Variants in IL2RA observed in about 807,000 individuals in gnomAD.
IL2RA encodes interleukin-2 receptor subunit alpha.
IL2RA carries 24 observed loss-of-function variants against 37.8 expected under a neutral mutation model. The observed-to-expected ratio is 0.63, with a 90% CI of 0.46 to 0.89. The LOEUF (loss-of-function observed/expected upper bound fraction) is 0.89. Among genes scored for constraint, IL2RA ranks in the 40% least tolerant of loss-of-function variants. The probability of loss-of-function intolerance (pLI) is 0.00; values close to 1 mark genes in which losing one functional copy is unlikely to be tolerated. For synonymous variants in IL2RA, 125 were observed against 114.6 expected, an observed-to-expected ratio of 1.09 and a Z score of -0.58; for missense variants, 319 against 348.6, an observed-to-expected ratio of 0.92 and a Z score of 0.68.
intron 1 of IL2RA, among the ~76,000 whole-genome samples, chr10:6,031,493 T>C (rs1414715755): frequency 3.1e-5 from 1 of 32,618 alleles, no homozygotes; most frequent in South Asian, 1.1e-3. Context: ...TATATATATA[T>C]GTATATATAT....
rs1450636484 is a variant in IL2RA at position 6,014,025 on chromosome 10, G to T, written c.795-1129C>A. On this transcript the variant is annotated intron_variant, in intron 7 of 7. Coordinates refer to ENST00000379959, the MANE Select transcript of IL2RA (RefSeq NM_000417.3). The surrounding 1 kb of genome is among the most constrained non-coding windows in gnomAD (Gnocchi z 4.4). The stretch of plus-strand genomic sequence containing the variant: ...TTTAAAATGTTTTTGTAGAGACAAG[G>T]TCTCACTTTGTTGCCCAGGCTGGTC... Among the ~76,000 whole-genome samples, 1 of 151,940 alleles carries T rather than the reference G, an allele frequency of 6.6e-6. No individual in the cohort carries two copies. Among genetic ancestry groups the T allele is most frequent in the African/African-American group, 2.4e-5 (1 of 41,360 alleles).
rs368269963 is a variant in IL2RA, at chr10:6,025,827, C to T, written c.256+7G>A. 3.1e-6 allele frequency: 5 copies of T among 1,613,752 alleles called. No individual in the cohort carries two copies. Among genetic ancestry groups the T allele is most frequent in the Non-Finnish European group, 4.2e-6 (5 of 1,179,744 alleles). On this transcript the variant is annotated splice_region_variant and intron_variant, in intron 2 of 7. Coordinates refer to ENST00000379959, the MANE Select transcript of IL2RA (RefSeq NM_000417.3). The surrounding 1 kb of genome is among the most constrained non-coding windows in gnomAD (Gnocchi z 4.4). ...TTGTTCTTGGTAGTCACAGAAGGGACACTTACCAGAGCTTGTGCATTGACA... is the reference window on the plus strand; with the variant it reads ...TTGTTCTTGGTAGTCACAGAAGGGATACTTACCAGAGCTTGTGCATTGACA...
In IL2RA at chr10:6,062,071, C is replaced by T. The variant is rs1358460081; in HGVS notation, c.64+17G>A. 1.2e-6 allele frequency: 2 copies of T among 1,610,296 alleles called. No individual in the cohort carries two copies. Among genetic ancestry groups the T allele is most frequent in the East Asian group, 2.2e-5 (1 of 44,854 alleles). ...ATCAGCCTTCCCGGAATTCCGGGGGCACCCACAGGCCCTTACCTGCCTGGC... is the reference window on the plus strand; with the variant it reads ...ATCAGCCTTCCCGGAATTCCGGGGGTACCCACAGGCCCTTACCTGCCTGGC... On this transcript the variant is annotated intron_variant, in intron 1 of 7. Coordinates refer to ENST00000379959, the MANE Select transcript of IL2RA (RefSeq NM_000417.3).
chr10:6,032,463 C>T lies in IL2RA; in HGVS notation c.65-6438G>A, dbSNP rs12722673. The stretch of plus-strand genomic sequence containing the variant: ...ATCCCAGCACTTTGGGAGGCCGGGG[C>T]GGGCAGATCACAAGGTCAGGAGATG... On this transcript the variant is annotated intron_variant, in intron 1 of 7. Transcript: ENST00000379959. Among the ~76,000 whole-genome samples, 1,060 of 151,994 alleles carry T rather than the reference C, an allele frequency of 7.0e-3. 20 individuals carry two copies. The highest frequency in any genetic ancestry group is 0.025 in the African/African-American group (1,018 of 41,460).
intron 1 of IL2RA, among the ~76,000 whole-genome samples, chr10:6,038,610 A>T (rs1402534620): frequency 6.6e-6 from 1 of 152,260 alleles, no homozygotes; most frequent in African/African-American, 2.4e-5. Flanking sequence ...CCCTCATGTC[A>T]GCCTTCTAAA....
intron 1 of IL2RA, among the ~76,000 whole-genome samples, chr10:6,027,573 C>A (rs1005673003): frequency 6.6e-6 from 1 of 152,174 alleles, no homozygotes; most frequent in Non-Finnish European, 1.5e-5. Context: ...TATTATTTTA[C>A]TTCTCTAAGG....
rs996332888 is a variant in IL2RA at position 6,025,251 on chromosome 10, A to G, written c.256+583T>C. On this transcript the variant is annotated intron_variant, in intron 2 of 7. Coordinates refer to ENST00000379959, the MANE Select transcript of IL2RA (RefSeq NM_000417.3). This position sits in a 1 kb window ranked among gnomAD's most constrained non-coding sequence, Gnocchi z 4.4. ...CACCTGTAGTCCCAGCTACTTGGGC[A>G]GCTGTGGCACAAGATTCACTTGAAC... is the stretch of plus-strand genomic sequence containing the variant. 2.0e-5 allele frequency among the ~76,000 whole-genome samples: 3 copies of G among 151,598 alleles called. No homozygotes were observed. Among genetic ancestry groups the G allele is most frequent in the Non-Finnish European group, 2.9e-5 (2 of 67,896 alleles).
In IL2RA at chr10:6,036,683, A is replaced by T. The variant is rs975106858; in HGVS notation, c.65-10658T>A. On this transcript the variant is annotated intron_variant, in intron 1 of 7. Transcript: ENST00000379959. The surrounding 1 kb of genome is among the most constrained non-coding windows in gnomAD (Gnocchi z 6.1). Reference sequence around the variant, plus strand: ...CTGTCCCTTTAATTTTTACCACTTCATTATTAGAATTGGAGTAGAATGAAA... The same window carrying T: ...CTGTCCCTTTAATTTTTACCACTTCTTTATTAGAATTGGAGTAGAATGAAA... 6.6e-6 allele frequency among the ~76,000 whole-genome samples: 1 copy of T among 152,106 alleles called. No homozygotes were observed. The highest frequency in any genetic ancestry group is 2.4e-5 in the African/African-American group (1 of 41,410).
chr10:6,044,295 G>A lies in IL2RA; in HGVS notation c.64+17793C>T, dbSNP rs1839816523. The stretch of plus-strand genomic sequence containing the variant: ...TAAAAGAAAACAGCTTTATTGAAGT[G>A]GCAATGTTATAGTTCCGGCTGTGCT... On this transcript the variant is annotated intron_variant, in intron 1 of 7. Coordinates refer to ENST00000379959, the MANE Select transcript of IL2RA (RefSeq NM_000417.3). This position sits in a 1 kb window ranked among gnomAD's most constrained non-coding sequence, Gnocchi z 4.5. 6.6e-6 allele frequency among the ~76,000 whole-genome samples: 1 copy of A among 152,242 alleles called. No homozygotes were observed. The highest frequency in any genetic ancestry group is 6.5e-5 in the Admixed American group (1 of 15,288).
intron 1 of IL2RA, among the ~76,000 whole-genome samples, chr10:6,060,544 C>T (rs192758849): frequency 2.0e-5 from 3 of 152,296 alleles, no homozygotes; most frequent in South Asian, 2.1e-4. Context: ...ACCACAAGGT[C>T]AGGAGTTTGA....
Position 6,012,793 on chromosome 10 carries a change from C to T in IL2RA, c.*79G>A. 6.8e-7 allele frequency: 1 copy of T among 1,468,728 alleles called. No individual in the cohort carries two copies. The highest frequency in any genetic ancestry group is 1.4e-5 in the African/African-American group (1 of 72,086). The allele number at this position is 1,468,728 out of a possible 1,614,324, so 91.0% of individuals were successfully genotyped here. On this transcript the variant is annotated 3_prime_UTR_variant, in exon 8 of 8. Coordinates refer to ENST00000379959, the MANE Select transcript of IL2RA (RefSeq NM_000417.3). The surrounding 1 kb of genome is among the most constrained non-coding windows in gnomAD (Gnocchi z 4.8). ...TGTCTCCTGGGCGACCATTTAGCACCTTTGATTTCACTTGGGCTTCATGAC... is the reference window on the plus strand; with the variant it reads ...TGTCTCCTGGGCGACCATTTAGCACTTTTGATTTCACTTGGGCTTCATGAC...
chr10:6,055,524 G>A lies in IL2RA; in HGVS notation c.64+6564C>T, dbSNP rs1327108575. On this transcript the variant is annotated intron_variant, in intron 1 of 7. Transcript: ENST00000379959. ...TCAGAGAGCACAGGGTTGGGGGTAA[G>A]GTCACAGATCAACAGGATCCCAAGG... 7.7e-4 allele frequency among the ~76,000 whole-genome samples: 7 copies of A among 9,036 alleles called. 3 individuals are homozygous for A. Among genetic ancestry groups the A allele is most frequent in the African/African-American group, 1.2e-3 (7 of 5,776 alleles). 5.9% of individuals were successfully genotyped at this position (9,036 alleles called of 152,430 possible).
rs1449874669 is a variant in IL2RA, at chr10:6,022,986, T to C, written c.367+1258A>G. On this transcript the variant is annotated intron_variant, in intron 3 of 7. Coordinates refer to ENST00000379959, the MANE Select transcript of IL2RA (RefSeq NM_000417.3). This position sits in a 1 kb window ranked among gnomAD's most constrained non-coding sequence, Gnocchi z 4.7. ...CAACTGTGCCCCTAGATTAGTCTGT[T>C]TTAAAAAATAAAATAATGGAAGCTG... Among the ~76,000 whole-genome samples, 1 of 152,238 alleles carries C rather than the reference T, an allele frequency of 6.6e-6. No individual in the cohort carries two copies. The highest frequency in any genetic ancestry group is 6.5e-5 in the Admixed American group (1 of 15,288).
rs564891201 is a variant in IL2RA at position 6,025,613 on chromosome 10, G to A, written c.256+221C>T. ...GGAAGTTGCAGTGAGCCGAGATCGC[G>A]TGCCATTGCACTCCAGCCTAGGCAA... On this transcript the variant is annotated intron_variant, in intron 2 of 7. Transcript: ENST00000379959. The surrounding 1 kb of genome is among the most constrained non-coding windows in gnomAD (Gnocchi z 4.4). 4.6e-5 allele frequency among the ~76,000 whole-genome samples: 7 copies of A among 151,786 alleles called. No individual in the cohort carries two copies. The highest frequency in any genetic ancestry group is 1.0e-4 in the Non-Finnish European group (7 of 67,986).
intron 1 of IL2RA, among the ~76,000 whole-genome samples, chr10:6,051,843 A>ATATATATATATATC (rs1839968057): frequency 7.8e-6 from 1 of 128,064 alleles, no homozygotes; most frequent in Non-Finnish European, 1.7e-5. Context: ...ATATATATAT[A>ATATATATATATATC]GAATTTTTTA....
At position 6,024,225 on chromosome 10, in the gene IL2RA, G is replaced by A. The variant is rs1194120210; in HGVS notation, c.367+19C>T. ...GGTGCGCTAGCAGGAGTTAGCTGGA[G>A]GACAGATTCATCTCTCACCTGGAAG... On this transcript the variant is annotated intron_variant, in intron 3 of 7. Coordinates refer to ENST00000379959, the MANE Select transcript of IL2RA (RefSeq NM_000417.3). 3 of 1,523,460 alleles carry A rather than the reference G, an allele frequency of 2.0e-6. No individual in the cohort carries two copies. The highest frequency in any genetic ancestry group is 1.7e-5 in the Admixed American group (1 of 59,900). 94.4% of individuals were successfully genotyped at this position (1,523,460 alleles called of 1,614,324 possible).
chr10:6,059,821 A>C (rs1840097024), intron 1 of IL2RA, among the ~76,000 whole-genome samples: 1 of 152,152 alleles, frequency 6.6e-6, no homozygotes, highest in Non-Finnish European at 1.5e-5. Context: ...CTGATAGCCC[A>C]ACGCTCCGTA....
Position 6,029,005 on chromosome 10 carries a change from AAG to A in IL2RA, c.65-2982_65-2981del, listed in dbSNP as rs1302019613. On this transcript the variant is annotated intron_variant, in intron 1 of 7. Transcript: ENST00000379959. This position sits in a 1 kb window ranked among gnomAD's most constrained non-coding sequence, Gnocchi z 4.6. ...GAGTCTGTCTCAAAAAAAAAAAAAA[AAG>A]ACCCCTAAAATGACCTAGATTTTGG... 1.6e-4 allele frequency among the ~76,000 whole-genome samples: 24 copies of A among 151,658 alleles called. No individual in the cohort carries two copies. In the South Asian group the frequency reaches 4.6e-3, roughly 29 times the overall value.
rs1348145432 is a variant in IL2RA, at chr10:6,011,048, AC to A, written c.*1823del. The stretch of plus-strand genomic sequence containing the variant: ...TTGTATGTGGTTGGTCACAGAAATG[AC>A]AGAAAATAGTTATTTAATCTGAATC... On this transcript the variant is annotated 3_prime_UTR_variant, in exon 8 of 8. Transcript: ENST00000379959. The surrounding 1 kb of genome is among the most constrained non-coding windows in gnomAD (Gnocchi z 5.2). 1 of 152,364 alleles carries A rather than the reference AC, an allele frequency of 6.6e-6. No homozygotes were observed. The highest frequency in any genetic ancestry group is 2.4e-5 in the African/African-American group (1 of 41,456). The allele number at this position is 152,364 out of a possible 1,614,324, so 9.4% of individuals were successfully genotyped here. A position where few individuals can be genotyped will look rare whatever the true frequency, so the allele number is the denominator to read the frequency against.
Sources: gnomAD v4.1 joint callset for allele counts (sites outside exome capture counted in the v4.1 genomes callset) on GRCh38, gnomAD v4.1.1 for gene constraint, Gnocchi (gnomAD v3.1) non-coding constraint, MANE v1.5 for transcripts, NCBI Gene and HGNC (gene_info 2026-07-23, HGNC 2026-07-21) for gene names.